The following PYGB variants were observed in gnomAD, a reference collection of about 807,000 sequenced individuals.
PYGB encodes glycogen phosphorylase B.
In PYGB, 82 loss-of-function variants were observed where a neutral mutation model predicts 94.3. The observed-to-expected ratio is 0.87, with a 90% confidence interval of 0.73 to 1.04. The LOEUF is 1.04. Among genes scored for constraint, PYGB ranks in the 50% least tolerant of loss-of-function variants. The pLI, the probability that PYGB is intolerant of heterozygous loss-of-function variation, is 0.00. For missense variants in PYGB, 1,132 were observed against 1,158.2 expected (o/e 0.98, Z 0.33); for synonymous variants, 488 against 479.1 (o/e 1.02, Z -0.24).
At chr20:25,252,530 C>T (rs1028722173) in intron 1 of PYGB, among the ~76,000 whole-genome samples, 1 of 152,238 alleles carries the variant, frequency 6.6e-6, no homozygotes, top group East Asian at 1.9e-4. Context: ...TCCCTTCTGA[C>T]CTCTGACCGA....
intron 15 of PYGB, among the ~76,000 whole-genome samples, chr20:25,289,601 A>G (rs1464331388): frequency 6.6e-6 from 1 of 151,986 alleles, no homozygotes; most frequent in Non-Finnish European, 1.5e-5. Flanking sequence ...CTGTGATTGC[A>G]CTACTGCACT....
intron 2 of PYGB, among the ~76,000 whole-genome samples, chr20:25,265,420 CT>C (rs1432032675): frequency 6.6e-6 from 1 of 152,162 alleles, no homozygotes; most frequent in East Asian, 1.9e-4. Flanking sequence ...AGTAGTCATT[CT>C]AAATGGGTGT....
At chr20:25,275,275 G>C (rs2088300973) in intron 5 of PYGB, among the ~76,000 whole-genome samples, 1 of 152,262 alleles carries the variant, frequency 6.6e-6, no homozygotes, top group African/African-American at 2.4e-5. Flanking sequence ...GGTGCTGATG[G>C]GGAATCAGGG....
chr20:25,289,373 C>T (rs979447097), intron 15 of PYGB, among the ~76,000 whole-genome samples: 11 of 152,208 alleles, frequency 7.2e-5, no homozygotes, highest in African/African-American at 2.7e-4. Context: ...AGGCTGGGCA[C>T]GGTGTCTCAC....
intron 12 of PYGB, among the ~76,000 whole-genome samples, chr20:25,282,476 A>G (rs1411563442): frequency 6.6e-6 from 1 of 152,206 alleles, no homozygotes; most frequent in Non-Finnish European, 1.5e-5. Context: ...TCCTGTTTGT[A>G]TGTTGGCTCC....
intron 16 of PYGB, 125 bp from the exon 17 acceptor site, chr20:25,292,281 G>A (rs895654957): frequency 1.8e-6 from 2 of 1,139,296 alleles, no homozygotes; most frequent in Admixed American, 2.1e-5. Flanking sequence ...CTGGAGCGGG[G>A]CCACAGCATT....
At chr20:25,276,375 G>T (rs1202382769) in intron 5 of PYGB, among the ~76,000 whole-genome samples, 1 of 152,138 alleles carries the variant, frequency 6.6e-6, no homozygotes, top group African/African-American at 2.4e-5. Flanking sequence ...AGCCATTCCT[G>T]AGGAAGGTCA....
chr20:25,264,930 A>G (rs1182372123), intron 2 of PYGB, among the ~76,000 whole-genome samples: 3 of 152,230 alleles, frequency 2.0e-5, no homozygotes, highest in African/African-American at 7.2e-5. Flanking sequence ...AAACTACTTT[A>G]AAGTTCATAT....
At chr20:25,270,414 G>A (rs890079185) in intron 3 of PYGB, among the ~76,000 whole-genome samples, 10 of 152,048 alleles carry the variant, frequency 6.6e-5, no homozygotes, top group African/African-American at 2.4e-4. Flanking sequence ...GTATTAGCCA[G>A]GATGGTCTCA....
intron 2 of PYGB, among the ~76,000 whole-genome samples, chr20:25,263,622 A>T (rs923033336): frequency 6.6e-6 from 1 of 152,260 alleles, no homozygotes; most frequent in East Asian, 1.9e-4. Context: ...CCACAGAAAT[A>T]CAAACTACCA....
intron 4 of PYGB, among the ~76,000 whole-genome samples, chr20:25,272,621 G>T (rs990939489): frequency 1.3e-5 from 2 of 152,216 alleles, no homozygotes; most frequent in Non-Finnish European, 2.9e-5. Flanking sequence ...TAAAATGTTG[G>T]TAAAGAAAAG....
intron 13 of PYGB, 72 bp downstream of exon 13, chr20:25,283,349 C>G: frequency 7.4e-7 from 1 of 1,359,170 alleles, no homozygotes; most frequent in Non-Finnish European, 1.0e-6. Flanking sequence ...TGGCCCTAGC[C>G]CTCCTACAGG....
chr20:25,281,976 G>A, intron 11 of PYGB, 57 bp from the exon 12 acceptor site: 2 of 1,441,414 alleles, frequency 1.4e-6, no homozygotes, highest in Non-Finnish European at 2.0e-6. Context: ...AAGGTCTGTT[G>A]CTCACCTGGT....
chr20:25,269,363 G>T (rs987929864), intron 3 of PYGB, among the ~76,000 whole-genome samples, 156 bp downstream of exon 3: 6 of 152,214 alleles, frequency 3.9e-5, no homozygotes, highest in Non-Finnish European at 7.3e-5. Flanking sequence ...CCACTAGTGG[G>T]GGGAAAGGGG....
chr20:25,291,389 C>T (rs151172032), intron 16 of PYGB, among the ~76,000 whole-genome samples: 21 of 152,222 alleles, frequency 1.4e-4, no homozygotes, highest in African/African-American at 4.3e-4. Context: ...GGCCAAGGGC[C>T]CCCCCTAGTT....
chr20:25,267,642 C>T (rs557792917), intron 2 of PYGB, among the ~76,000 whole-genome samples: 29 of 152,264 alleles, frequency 1.9e-4, no homozygotes, highest in African/African-American at 6.0e-4. Context: ...GCCATCCTTC[C>T]GCCTCAGCCT....
chr20:25,260,914 G>A (rs375715409), intron 2 of PYGB, among the ~76,000 whole-genome samples: 2 of 152,232 alleles, frequency 1.3e-5, no homozygotes, highest in East Asian at 1.9e-4. Context: ...ACTGCAAGGC[G>A]GCAGTGAGGC....
rs2088372506 is a variant in PYGB, at chr20:25,282,066, G to C, written c.1437G>C (p.Lys479Asn). Residue 479 changes from lysine to asparagine, a missense_variant, in exon 12 of 20, where the codon AAG becomes AAC. Transcript: ENST00000216962. ...FKDFYELEPE[K>N]FQNKTNGITP... Reference sequence around the variant, plus strand: ...ATTTTTATGAACTGGAGCCAGAGAAGTTCCAGAATAAGACCAATGGCATCA... The same window carrying C: ...ATTTTTATGAACTGGAGCCAGAGAACTTCCAGAATAAGACCAATGGCATCA... 2.5e-6 allele frequency: 4 copies of C among 1,614,082 alleles called. No individual in the cohort carries two copies. Among genetic ancestry groups the C allele is most frequent in the Non-Finnish European group, 3.4e-6 (4 of 1,179,968 alleles).
rs750562466 is a variant in PYGB, at chr20:25,277,280, G to A, written c.809G>A (p.Arg270Gln). The A allele has an allele frequency of 1.1e-5, 18 of 1,586,790 alleles. No individual in the cohort carries two copies. The highest frequency in any genetic ancestry group is 8.9e-5 in the East Asian group (4 of 44,736). ...GACTACATCGAGGCGGTCCTGGACCGGAACTTGGCTGAGAACATCTCCAGG... is the reference window on the plus strand; with the variant it reads ...GACTACATCGAGGCGGTCCTGGACCAGAACTTGGCTGAGAACATCTCCAGG... ...VGDYIEAVLD[R>Q]NLAENISRVL... is the part of the protein sequence containing the mutation. The change falls in exon 7 of 20, where the codon CGG becomes CAG. Residue 270 changes from arginine (R) to glutamine (Q), a missense_variant. Arg to Gln is a conservative substitution (Grantham distance 43, BLOSUM62 1). Coordinates refer to ENST00000216962, the MANE Select transcript of PYGB (RefSeq NM_002862.4).
Sources: allele counts gnomAD v4.1 joint callset (sites outside exome capture counted in the v4.1 genomes callset), GRCh38; gene constraint gnomAD v4.1.1; transcripts MANE v1.5; gene names NCBI Gene and HGNC (gene_info 2026-07-23, HGNC 2026-07-21).